Variants in IQCK observed in about 807,000 individuals in gnomAD.
IQCK encodes IQ domain-containing protein K.
A neutral mutation model predicts 28.1 loss-of-function variants in IQCK; 29 were observed. The ratio of observed to expected loss-of-function variants is 1.03; its 90% CI spans 0.77 to 1.41. The LOEUF is 1.41. Among genes scored for constraint, IQCK ranks in the 40% most tolerant of loss-of-function variants. The pLI is 0.00. For synonymous variants in IQCK, 113 were observed against 115.1 expected, an observed-to-expected ratio of 0.98 and a Z score of 0.12; for missense variants, 359 against 314.7, an observed-to-expected ratio of 1.14 and a Z score of -1.07.
chr16:19,748,539 G>C (rs891329051), intron 4 of IQCK, among the ~76,000 whole-genome samples: 6 of 152,148 alleles, frequency 3.9e-5, no homozygotes, highest in Non-Finnish European at 5.9e-5. Flanking sequence ...AGAGTGTCTG[G>C]CATATAGACA....
intron 4 of IQCK, chr16:19,761,113 C>CA (rs2055133117): frequency 3.6e-6 from 1 of 276,696 alleles, no homozygotes; most frequent in East Asian, 8.7e-5. Context: ...CCTCCTATCT[C>CA]ATCCTGTGAC....
At chr16:19,722,687 C>T (rs1484340288) in intron 1 of IQCK, among the ~76,000 whole-genome samples, 1 of 151,942 alleles carries the variant, frequency 6.6e-6, no homozygotes, top group Non-Finnish European at 1.5e-5. Context: ...ATGTTACCAT[C>T]GTTCACTCAG....
chr16:19,735,602 G>A, intron 4 of IQCK, 152 bp downstream of exon 4: 1 of 652,556 alleles, frequency 1.5e-6, no homozygotes, highest in Non-Finnish European at 2.8e-6. Context: ...CCCAGTTCCA[G>A]CCACACCATC....
downstream of IQCK, among the ~76,000 whole-genome samples, chr16:19,831,342 T>C (rs2056230920): frequency 6.6e-6 from 1 of 152,216 alleles, no homozygotes. Flanking sequence ...AGCTAGGGGC[T>C]GAATTACGAG....
At chr16:19,747,759 G>A (rs1413455929) in intron 4 of IQCK, among the ~76,000 whole-genome samples, 2 of 152,120 alleles carry the variant, frequency 1.3e-5, no homozygotes, top group African/African-American at 2.4e-5. Context: ...TCTGTGTCTG[G>A]CTTGTTTCAC....
downstream of IQCK, among the ~76,000 whole-genome samples, chr16:19,829,658 AAGG>A (rs1479271550): frequency 6.6e-6 from 1 of 152,078 alleles, no homozygotes; most frequent in Non-Finnish European, 1.5e-5. Flanking sequence ...TGGAGAACCT[AAGG>A]AGATGTGAGA....
At position 19,763,830 on chromosome 16, in the gene IQCK, T is replaced by G; in HGVS notation, c.475-18T>G. 6.3e-7 allele frequency: 1 copy of G among 1,595,596 alleles called. No homozygotes were observed. Among genetic ancestry groups the G allele is most frequent in the Non-Finnish European group, 8.6e-7 (1 of 1,163,496 alleles). ...GTTTAAGGGTCAGTTGTAATTTAAT[T>G]ATCTCTTCTCTCTTCAGAGGAAAAG... On this transcript the variant is annotated intron_variant, in intron 4 of 7. Coordinates refer to ENST00000564186, the Ensembl canonical transcript of IQCK.
chr16:19,824,675 T>G (rs1757216860), intron 7 of IQCK, among the ~76,000 whole-genome samples: 1 of 152,230 alleles, frequency 6.6e-6, no homozygotes, highest in African/African-American at 2.4e-5. Flanking sequence ...CATCCACATA[T>G]GTAAAATCAC....
chr16:19,718,582 G>A lies in IQCK; in HGVS notation c.181+95G>A, dbSNP rs1026404206. 1.8e-5 allele frequency: 21 copies of A among 1,186,396 alleles called. No individual in the cohort carries two copies. The Admixed American group carries it at 6.2e-4, about 35-fold the overall frequency. 73.5% of individuals were successfully genotyped at this position (1,186,396 alleles called of 1,614,324 possible). ...CCCACTGTGCGCCTGTCGGCTGACG[G>A]GCGGGGCCGCCGGGCAGCGGCTCCG... On this transcript the variant is annotated intron_variant, in intron 1 of 7. Coordinates refer to ENST00000564186, the Ensembl canonical transcript of IQCK.
At chr16:19,808,216 C>T (rs1052702559) in intron 7 of IQCK, among the ~76,000 whole-genome samples, 3 of 152,196 alleles carry the variant, frequency 2.0e-5, no homozygotes, top group African/African-American at 7.2e-5. Flanking sequence ...AGGCCCTTCC[C>T]TTCCCCCTGC....
chr16:19,825,012 C>T lies in IQCK; in HGVS notation c.691-2014C>T, dbSNP rs554126353. Among the ~76,000 whole-genome samples, 81 of 152,294 alleles carry T rather than the reference C, an allele frequency of 5.3e-4. No individual in the cohort carries two copies. Among genetic ancestry groups the T allele is most frequent in the Non-Finnish European group, 7.9e-4 (54 of 68,018 alleles). On this transcript the variant is annotated intron_variant, in intron 7 of 7. Coordinates refer to ENST00000564186, the Ensembl canonical transcript of IQCK. This position sits in a 1 kb window ranked among gnomAD's most constrained non-coding sequence, Gnocchi z 4.2. ...GCCCCTTTGTTTTCCCTTGCACTCA[C>T]CAACTTCCCTAGTCTTACCATACCT...
rs2056129005 is a variant in IQCK at position 19,825,069 on chromosome 16, C to CT, written c.691-1954dup. On this transcript the variant is annotated intron_variant, in intron 7 of 7. Transcript: ENST00000564186. This position sits in a 1 kb window ranked among gnomAD's most constrained non-coding sequence, Gnocchi z 4.2. ...TCTTATTCCTGTGTCTCCTCCTACA[C>CT]TTTAAGTTTCTCAAAGGCAGCTGGA... Among the ~76,000 whole-genome samples the CT allele has an allele frequency of 6.6e-6, 1 of 152,164 alleles. No individual in the cohort carries two copies. Among genetic ancestry groups the CT allele is most frequent in the African/African-American group, 2.4e-5 (1 of 41,434 alleles).
chr16:19,758,531 TC>T (rs1157995958), intron 4 of IQCK, among the ~76,000 whole-genome samples: 1 of 152,234 alleles, frequency 6.6e-6, no homozygotes, highest in Admixed American at 6.5e-5. Context: ...GAACAATGCA[TC>T]TTTTGTAGGG....
chr16:19,785,252 C>T (rs1315933852), intron 6 of IQCK, among the ~76,000 whole-genome samples: 2 of 152,166 alleles, frequency 1.3e-5, no homozygotes, highest in South Asian at 2.1e-4. Context: ...ACCCTTTGGC[C>T]GATCTGCTGG....
chr16:19,742,376 A>G (rs1379475784), intron 4 of IQCK, among the ~76,000 whole-genome samples: 1 of 152,124 alleles, frequency 6.6e-6, no homozygotes, highest in Non-Finnish European at 1.5e-5. Flanking sequence ...CCGGTCATCT[A>G]GTCTTTTGTG....
chr16:19,826,493 T>C (rs1270799002), intron 7 of IQCK, among the ~76,000 whole-genome samples: 1 of 152,180 alleles, frequency 6.6e-6, no homozygotes, highest in Non-Finnish European at 1.5e-5. Context: ...TTCTCTTGCC[T>C]CAGCCTCCTA....
intron 4 of IQCK, among the ~76,000 whole-genome samples, chr16:19,749,575 A>G (rs2054957805): frequency 6.6e-6 from 1 of 152,132 alleles, no homozygotes; most frequent in Non-Finnish European, 1.5e-5. Context: ...GCCTTGGGCA[A>G]CATGGTGAAA....
At chr16:19,738,702 A>T (rs369355500) in intron 4 of IQCK, among the ~76,000 whole-genome samples, 1 of 152,196 alleles carries the variant, frequency 6.6e-6, no homozygotes, top group African/African-American at 2.4e-5. Context: ...GAAGAACTCA[A>T]TACATGTTAA....
intron 7 of IQCK, among the ~76,000 whole-genome samples, chr16:19,793,862 A>G (rs535262317): frequency 1.2e-4 from 2 of 16,634 alleles, no homozygotes; most frequent in African/African-American, 5.8e-4. Context: ...TAAATGGAAT[A>G]GAATTGAGAG....
Sources: allele counts gnomAD v4.1 joint callset (sites outside exome capture counted in the v4.1 genomes callset), GRCh38; gene constraint gnomAD v4.1.1; non-coding constraint Gnocchi (gnomAD v3.1); transcripts MANE v1.5; gene names NCBI Gene and HGNC (gene_info 2026-07-23, HGNC 2026-07-21).